SYNE1: variants seen among roughly 807,000 people sequenced by gnomAD.
SYNE1 encodes spectrin repeat containing nuclear envelope protein 1, also known as nesprin-1.
SYNE1 carries 616 observed loss-of-function variants against 1,111.0 expected under a neutral mutation model. That is an observed-to-expected ratio of 0.55 (90% CI 0.52 to 0.59). SYNE1 has a LOEUF of 0.59. Among genes scored for constraint, SYNE1 ranks in the 20% least tolerant of loss-of-function variants. SYNE1 has a pLI of 0.00. For synonymous variants in SYNE1, 3,855 were observed against 3,825.8 expected (o/e 1.01, Z -0.28); for missense variants, 10,006 against 10,417.0 (o/e 0.96, Z 1.72).
At chr6:152,255,773 A>G in intron 102 of SYNE1, 27 bp from the exon 103 acceptor site, 1 of 1,613,886 alleles carries the variant, frequency 6.2e-7, no homozygotes, top group Non-Finnish European at 8.5e-7. Flanking sequence ...AGGGTCAAAT[A>G]ATCAATTTCA....
rs561020797 is a variant in SYNE1 at position 152,372,992 on chromosome 6, A to G, written c.9507+45T>C. On this transcript the variant is annotated intron_variant, in intron 59 of 145. Transcript: ENST00000367255. ...TGTGATTTCACTAACAACAACAACA[A>G]TAACAAATAACACAGAATGCTTCCA... 4.6e-5 allele frequency: 73 copies of G among 1,598,988 alleles called. 2 individuals carry two copies. In the South Asian group the frequency reaches 7.8e-4, roughly 17 times the overall value.
chr6:152,507,873 T>C (rs1329007386), intron 8 of SYNE1, among the ~76,000 whole-genome samples: 1 of 152,200 alleles, frequency 6.6e-6, no homozygotes, highest in African/African-American at 2.4e-5. Context: ...GGCTTAACTA[T>C]CTTATGTTAC....
chr6:152,552,616 G>T (rs371493298), intron 3 of SYNE1, among the ~76,000 whole-genome samples: 2 of 152,102 alleles, frequency 1.3e-5, no homozygotes, highest in South Asian at 4.1e-4. Context: ...GAGATGAAAT[G>T]AAAAACAGCA....
At chr6:152,296,078 C>T (rs1407341935) in intron 93 of SYNE1, among the ~76,000 whole-genome samples, 1 of 152,210 alleles carries the variant, frequency 6.6e-6, no homozygotes, top group Non-Finnish European at 1.5e-5. Context: ...TTCTCACCCT[C>T]GATCCACTTC....
chr6:152,634,549 G>A (rs2099703071), intron 2 of SYNE1, among the ~76,000 whole-genome samples: 2 of 152,118 alleles, frequency 1.3e-5, no homozygotes, highest in Admixed American at 1.3e-4. Flanking sequence ...GGATATCTTT[G>A]AATTAATGTA....
intron 60 of SYNE1, 52 bp from the exon 61 acceptor site, chr6:152,369,179 G>A (rs529378428): frequency 1.5e-5 from 24 of 1,599,710 alleles, no homozygotes; most frequent in African/African-American, 1.1e-4. Flanking sequence ...AGCACATCGC[G>A]GACGAAGCTT....
intron 115 of SYNE1, among the ~76,000 whole-genome samples, chr6:152,229,163 G>A (rs944452589): frequency 1.1e-4 from 17 of 152,000 alleles, no homozygotes; most frequent in African/African-American, 3.6e-4. Flanking sequence ...TCTGAAACCC[G>A]AAATAGAAAA....
At position 152,197,750 on chromosome 6, in the gene SYNE1, G is replaced by C. The variant is rs1587585199; in HGVS notation, c.23145+4074C>G. Among the ~76,000 whole-genome samples, 4 of 152,182 alleles carry C rather than the reference G, an allele frequency of 2.6e-5. No individual in the cohort carries two copies. In the Middle Eastern group the frequency reaches 0.01, roughly 388 times the overall value. On this transcript the variant is annotated intron_variant, in intron 127 of 145. Transcript: ENST00000367255. Reference sequence around the variant, plus strand: ...GATATGGTGCCATCTGGGTTTTGTTGTTCTATTTATAGAGCACAGGTAGAG... The same window carrying C: ...GATATGGTGCCATCTGGGTTTTGTTCTTCTATTTATAGAGCACAGGTAGAG...
chr6:152,616,402 G>A (rs774730031), intron 3 of SYNE1, among the ~76,000 whole-genome samples: 1 of 151,978 alleles, frequency 6.6e-6, no homozygotes, highest in African/African-American at 2.4e-5. Context: ...GTGAGACCTC[G>A]TCTCTACAAA....
intron 6 of SYNE1, among the ~76,000 whole-genome samples, chr6:152,513,358 TC>T (rs200569354): frequency 4.1e-4 from 62 of 151,640 alleles, no homozygotes; most frequent in African/African-American, 9.2e-4. Flanking sequence ...ATCAGATTTT[TC>T]TTTTTTAGAT....
chr6:152,343,357 C>A (rs1391286310), intron 74 of SYNE1, among the ~76,000 whole-genome samples: 2 of 151,620 alleles, frequency 1.3e-5, no homozygotes, highest in Non-Finnish European at 2.9e-5. Flanking sequence ...TGAGGTTTCA[C>A]CATGTTGGCC....
intron 56 of SYNE1, among the ~76,000 whole-genome samples, chr6:152,378,655 T>G (rs1256137626): frequency 6.6e-6 from 1 of 152,204 alleles, no homozygotes; most frequent in Non-Finnish European, 1.5e-5. Flanking sequence ...TCCTGCATCT[T>G]GATGCTGTTC....
Position 152,483,113 on chromosome 6 carries a change from G to A in SYNE1, c.1322C>T (p.Thr441Met), listed in dbSNP as rs772375574. 2.9e-5 allele frequency: 47 copies of A among 1,614,044 alleles called. No individual in the cohort carries two copies. The highest frequency in any genetic ancestry group is 5.3e-5 in the African/African-American group (4 of 74,928). ...VQQVHEETAN[T>M]IQRKLEQHKD... ...ATGTTGCTCAAGTTTCCGTTGTATC[G>A]TGTTTGCTGTTTCCTCGTGGACCTG... Residue 441 changes from threonine (T) to methionine (M), a missense_variant, in exon 14 of 146, where the codon ACG (threonine) becomes ATG (methionine). Around this residue, in one of 7 missense-constraint regions of SYNE1, gnomAD observed 1,971 missense variants for 2,084.1 expected, o/e 0.95. Coordinates refer to ENST00000367255, the MANE Select transcript of SYNE1 (RefSeq NM_182961.4).
intron 87 of SYNE1, 86 bp from the exon 88 acceptor site, chr6:152,310,959 T>C (rs1783620249): frequency 7.3e-7 from 1 of 1,373,142 alleles, no homozygotes; most frequent in Non-Finnish European, 1.0e-6. Flanking sequence ...AAATGCCCTG[T>C]GTAAGTTCTG....
At chr6:152,164,470 A>T in intron 130 of SYNE1, 145 bp from the exon 131 acceptor site, 1 of 946,188 alleles carries the variant, frequency 1.1e-6, no homozygotes, top group Non-Finnish European at 1.6e-6. Flanking sequence ...CAGAAGACAA[A>T]GGAGGATAGA....
At chr6:152,544,552 A>G (rs1405447731) in intron 3 of SYNE1, among the ~76,000 whole-genome samples, 1 of 145,924 alleles carries the variant, frequency 6.9e-6, no homozygotes, top group Non-Finnish European at 1.5e-5. Flanking sequence ...TTAAAAAAAA[A>G]AAAGGGTTCT....
chr6:152,604,060 T>C (rs2099604484), intron 3 of SYNE1, among the ~76,000 whole-genome samples: 2 of 151,238 alleles, frequency 1.3e-5, no homozygotes, highest in African/African-American at 2.4e-5. Flanking sequence ...TATATGTATG[T>C]TCATATATGT....
chr6:152,165,103 G>A (rs1455706066), intron 130 of SYNE1, among the ~76,000 whole-genome samples: 3 of 150,726 alleles, frequency 2.0e-5, no homozygotes, highest in Non-Finnish European at 2.9e-5. Flanking sequence ...TTACTTCCAG[G>A]CATTTAAAGA....
chr6:152,339,180 A>C, intron 75 of SYNE1, 61 bp downstream of exon 75: 1 of 1,599,302 alleles, frequency 6.3e-7, no homozygotes, highest in Non-Finnish European at 8.5e-7. Flanking sequence ...CTCACATGAA[A>C]CATTCAAGCA....
Sources: allele counts gnomAD v4.1 joint callset (sites outside exome capture counted in the v4.1 genomes callset), GRCh38; gene constraint gnomAD v4.1.1; regional missense constraint gnomAD v4.1.1; transcripts MANE v1.5; gene names NCBI Gene and HGNC (gene_info 2026-07-23, HGNC 2026-07-21).